ATP2C2: variants seen among roughly 807,000 people sequenced by gnomAD.
ATP2C2 encodes calcium-transporting ATPase type 2C member 2.
In ATP2C2, 171 loss-of-function variants were observed where a neutral mutation model predicts 110.8. The observed-to-expected ratio is 1.54, with a 90% CI of 1.36 to 1.75. ATP2C2 has a LOEUF of 1.75. Among genes scored for constraint, ATP2C2 ranks in the 40% most tolerant of loss-of-function variants. ATP2C2 has a pLI of 0.00. For synonymous variants in ATP2C2, 804 were observed against 508.4 expected (o/e 1.58, Z -7.82); for missense variants, 1,963 against 1,235.0 (o/e 1.59, Z -8.84).
At chr16:84,423,906 G>T (rs552136942) in intron 10 of ATP2C2, among the ~76,000 whole-genome samples, 7 of 152,138 alleles carry the variant, frequency 4.6e-5, no homozygotes, top group Admixed American at 3.3e-4. Context: ...ATGATGCTGC[G>T]GTTCTGAATC....
chr16:84,383,643 T>C (rs1910716111), intron 1 of ATP2C2, among the ~76,000 whole-genome samples: 1 of 152,110 alleles, frequency 6.6e-6, no homozygotes, highest in Admixed American at 6.6e-5. Flanking sequence ...GCATCGTCAG[T>C]ACATTTCGAC....
chr16:84,453,066 C>T (rs1567739985), intron 18 of ATP2C2, 72 bp from the exon 19 acceptor site: 8 of 1,465,882 alleles, frequency 5.5e-6, no homozygotes, highest in Non-Finnish European at 6.5e-6. Flanking sequence ...TCCCCATGGC[C>T]GAGGTGGGGC....
At chr16:84,386,659 G>T (rs1192804902) in intron 1 of ATP2C2, among the ~76,000 whole-genome samples, 1 of 152,186 alleles carries the variant, frequency 6.6e-6, no homozygotes, top group Admixed American at 6.5e-5. Flanking sequence ...ACCTAGAAAG[G>T]ACTTCAGGGG....
intron 11 of ATP2C2, among the ~76,000 whole-genome samples, chr16:84,438,688 C>T (rs1908966101): frequency 6.6e-6 from 1 of 152,136 alleles, no homozygotes; most frequent in Non-Finnish European, 1.5e-5. Flanking sequence ...CCTGCCCTGA[C>T]CTGGACTTCC....
Position 84,440,594 on chromosome 16 carries a change from T to G in ATP2C2, c.1210-263T>G, listed in dbSNP as rs567142911. On this transcript the variant is annotated intron_variant, in intron 13 of 26. Transcript: ENST00000262429. Reference sequence around the variant, plus strand: ...AGAAGCACTCTTCTATGCTAGTTCTTAGTTTTCTTAACCATCACTTGTACT... The same window carrying G: ...AGAAGCACTCTTCTATGCTAGTTCTGAGTTTTCTTAACCATCACTTGTACT... 6.6e-5 allele frequency among the ~76,000 whole-genome samples: 10 copies of G among 152,342 alleles called. No homozygotes were observed. The South Asian group carries it at 2.1e-3, about 32-fold the overall frequency.
chr16:84,375,716 T>C (rs1910213004), intron 1 of ATP2C2, among the ~76,000 whole-genome samples: 1 of 152,164 alleles, frequency 6.6e-6, no homozygotes, highest in African/African-American at 2.4e-5. Context: ...AAAACATACT[T>C]TTACAATGTG....
chr16:84,418,598 C>G (rs941684968), intron 7 of ATP2C2, among the ~76,000 whole-genome samples: 6 of 152,232 alleles, frequency 3.9e-5, no homozygotes, highest in Non-Finnish European at 8.8e-5. Flanking sequence ...CGTTATTTTA[C>G]TACACGGACA....
chr16:84,434,174 T>C lies in ATP2C2; in HGVS notation c.987-4992T>C, dbSNP rs574330922. Among the ~76,000 whole-genome samples, 35 of 152,136 alleles carry C rather than the reference T, an allele frequency of 2.3e-4. No homozygotes were observed. The South Asian group carries it at 6.9e-3, about 30-fold the overall frequency. The stretch of plus-strand genomic sequence containing the variant: ...GGCTCATGCCTGTAACCCCAGCACT[T>C]TGGGAGGCCGAGGCGCGTGGATCAT... On this transcript the variant is annotated intron_variant, in intron 11 of 26. Transcript: ENST00000262429.
chr16:84,382,063 G>A (rs929733334), intron 1 of ATP2C2, among the ~76,000 whole-genome samples: 3 of 152,144 alleles, frequency 2.0e-5, no homozygotes, highest in Admixed American at 2.0e-4. Context: ...GTATCCACGT[G>A]CCATGGTGGT....
At position 84,463,796 on chromosome 16, in the gene ATP2C2, G is replaced by T; in HGVS notation, c.*64G>T. ...TCTGGTTGTGACTGTGGCCCCTGCC[G>T]TGTCTCCTCGTCAGGGGAGACTTTT... On this transcript the variant is annotated 3_prime_UTR_variant, in exon 27 of 27. Coordinates refer to ENST00000262429, the MANE Select transcript of ATP2C2 (RefSeq NM_014861.4). 1 of 1,400,000 alleles carries T rather than the reference G, an allele frequency of 7.1e-7. No individual in the cohort carries two copies. The highest frequency in any genetic ancestry group is 1.0e-6 in the Non-Finnish European group (1 of 988,180). 86.7% of individuals were successfully genotyped at this position (1,400,000 alleles called of 1,614,324 possible). A position where few individuals can be genotyped will look rare whatever the true frequency, so the allele number is the denominator to read the frequency against.
At chr16:84,382,781 A>T (rs1396548131) in intron 1 of ATP2C2, among the ~76,000 whole-genome samples, 1 of 152,004 alleles carries the variant, frequency 6.6e-6, no homozygotes, top group Non-Finnish European at 1.5e-5. Context: ...CTGTAATCCC[A>T]GCTACTTGGG....
In ATP2C2 at chr16:84,454,970, C is replaced by A; in HGVS notation, c.2133C>A (p.Asp711Glu). The A allele has an allele frequency of 6.2e-7, 1 of 1,613,528 alleles. No homozygotes were observed. Among genetic ancestry groups the A allele is most frequent in the Non-Finnish European group, 8.5e-7 (1 of 1,179,840 alleles). The change falls in exon 21 of 27, where the codon GAC becomes GAA. Residue 711 changes from aspartate (D) to glutamate (E), a missense_variant. Physicochemically the swap from Asp to Glu is conservative, Grantham distance 45 (BLOSUM62 2). Transcript: ENST00000262429. ...CCAACATGATCCTGGTGGATGATGA[C>A]TTCTCAGCCATCATGTAAGCTGCCC... ...EAANMILVDD[D>E]FSAIMNAVEE... is the part of the protein sequence containing the mutation.
intron 3 of ATP2C2, chr16:84,407,161 T>G (rs937955661): frequency 6.6e-6 from 1 of 152,184 alleles, no homozygotes; most frequent in Admixed American, 6.5e-5. Flanking sequence ...ATGCCAAGTG[T>G]TGTGATTCTC....
chr16:84,438,950 G>C, intron 11 of ATP2C2: 1 of 546,146 alleles, frequency 1.8e-6, no homozygotes, highest in Non-Finnish European at 3.2e-6. Flanking sequence ...GACAGGAGAG[G>C]TCCCTTCCCA....
chr16:84,429,510 T>G (rs545061514), intron 11 of ATP2C2, among the ~76,000 whole-genome samples: 30 of 152,304 alleles, frequency 2.0e-4, no homozygotes, highest in African/African-American at 7.0e-4. Flanking sequence ...AGCACGTGAC[T>G]GCGTGATCTG....
At chr16:84,455,049 A>T in intron 21 of ATP2C2, 65 bp downstream of exon 21, 2 of 1,271,638 alleles carry the variant, frequency 1.6e-6, no homozygotes, top group African/African-American at 1.5e-5. Context: ...TTCTCCCTGG[A>T]ACCTGCTACT....
intron 11 of ATP2C2, among the ~76,000 whole-genome samples, chr16:84,430,954 C>T (rs989071341): frequency 6.6e-6 from 1 of 152,106 alleles, no homozygotes. Flanking sequence ...CACTGCCCCT[C>T]ACTCCCTATC....
chr16:84,392,891 C>T (rs757371064), intron 1 of ATP2C2, among the ~76,000 whole-genome samples: 3 of 152,306 alleles, frequency 2.0e-5, no homozygotes, highest in East Asian at 3.9e-4. Context: ...TATTTCCTGT[C>T]AACTGGTGGG....
chr16:84,370,481 G>T (rs565320509), intron 1 of ATP2C2, among the ~76,000 whole-genome samples: 14 of 152,310 alleles, frequency 9.2e-5, no homozygotes, highest in Admixed American at 6.5e-4. Flanking sequence ...AAGATCGATG[G>T]GAAGTGTGAG....
Sources: allele counts gnomAD v4.1 joint callset (sites outside exome capture counted in the v4.1 genomes callset), GRCh38; gene constraint gnomAD v4.1.1; transcripts MANE v1.5; gene names NCBI Gene and HGNC (gene_info 2026-07-23, HGNC 2026-07-21).